Variants in ARHGEF6 observed in about 807,000 individuals in gnomAD.
ARHGEF6 encodes Rac/Cdc42 guanine nucleotide exchange factor 6.
A neutral mutation model predicts 70.3 loss-of-function variants in ARHGEF6; 9 were observed. The ratio of observed to expected loss-of-function variants is 0.13; its 90% CI spans 0.08 to 0.22. The LOEUF (loss-of-function observed/expected upper bound fraction) is 0.22. ARHGEF6 is among the 10% of genes least tolerant of loss of function. ARHGEF6 has a pLI of 1.00. For missense variants in ARHGEF6, 470 were observed against 563.0 expected, an observed-to-expected ratio of 0.83 and a Z score of 1.67; for synonymous variants, 201 against 207.8, an observed-to-expected ratio of 0.97 and a Z score of 0.28.
chrX:136,777,493 G>GT (rs2077415239), intron 2 of ARHGEF6, among the ~76,000 whole-genome samples: 6 of 110,640 alleles, frequency 5.4e-5, no homozygotes, highest in Non-Finnish European at 9.4e-5. Flanking sequence ...CACTGCTGGT[G>GT]GGAATGTAAA....
chrX:136,680,688 G>T, intron 15 of ARHGEF6, 43 bp downstream of exon 15: 1 of 1,203,197 alleles, frequency 8.3e-7, no homozygotes, highest in Non-Finnish European at 1.1e-6. Flanking sequence ...AGGAGTTGAC[G>T]AAAGACTCAA....
intron 6 of ARHGEF6, among the ~76,000 whole-genome samples, chrX:136,730,525 T>C (rs2076924133): frequency 9.0e-6 from 1 of 111,595 alleles, no homozygotes. Context: ...CTTCACAGGC[T>C]ATCATGAGTT....
chrX:136,700,581 C>CA (rs906093395), intron 9 of ARHGEF6, among the ~76,000 whole-genome samples: 4 of 110,413 alleles, frequency 3.6e-5, no homozygotes, highest in African/African-American at 6.6e-5. Context: ...GGAAAGGAAA[C>CA]AAAAAAAATC....
chrX:136,666,369 T>A lies in ARHGEF6; in HGVS notation c.*1660A>T, dbSNP rs1258618061. 3.6e-5 allele frequency: 4 copies of A among 111,672 alleles called. No homozygotes were observed. Among genetic ancestry groups the A allele is most frequent in the Non-Finnish European group, 7.5e-5 (4 of 53,084 alleles). The allele number at this position is 111,672 out of a possible 1,213,427, so 9.2% of individuals were successfully genotyped here. A position where few individuals can be genotyped will look rare whatever the true frequency, so the allele number is the denominator to read the frequency against. Reference sequence around the variant, plus strand: ...GGTTTCAAACTTCAAGTTTTGTTTTTTCAGAGACAGAGGTGTCTCTCTGTT... The same window carrying A: ...GGTTTCAAACTTCAAGTTTTGTTTTATCAGAGACAGAGGTGTCTCTCTGTT... On this transcript the variant is annotated 3_prime_UTR_variant, in exon 22 of 22. Transcript: ENST00000250617.
intron 17 of ARHGEF6, 59 bp downstream of exon 17, chrX:136,677,877 A>G: frequency 2.0e-6 from 2 of 1,004,458 alleles, no homozygotes; most frequent in Non-Finnish European, 1.4e-6. Context: ...TCATTCATCA[A>G]AGGTTACAGT....
Position 136,702,447 on chromosome X carries a change from A to G in ARHGEF6, c.1046+4461T>C, listed in dbSNP as rs1463977349. Among the ~76,000 whole-genome samples the G allele has an allele frequency of 3.6e-5, 4 of 112,368 alleles. No individual in the cohort carries two copies. The East Asian group carries it at 1.1e-3, about 31-fold the overall frequency. ...TAAATACGCCAATTAAAAGAATGAG[A>G]CTGTCAGAGTGGATTAAGAAACAAG... On this transcript the variant is annotated intron_variant, in intron 9 of 21. Transcript: ENST00000250617.
At chrX:136,679,208 T>G (rs967016291) in intron 16 of ARHGEF6, among the ~76,000 whole-genome samples, 1 of 112,290 alleles carries the variant, frequency 8.9e-6, no homozygotes, top group Non-Finnish European at 1.9e-5. Flanking sequence ...TACAATGAAG[T>G]GGCTCTTGTT....
chrX:136,695,647 T>G (rs761917582), intron 9 of ARHGEF6, among the ~76,000 whole-genome samples: 8 of 112,535 alleles, frequency 7.1e-5, no homozygotes, highest in South Asian at 3.6e-4. Context: ...TTTACTGGTG[T>G]TAAGGAATTT....
At chrX:136,726,889 TA>T (rs2076858221) in intron 6 of ARHGEF6, among the ~76,000 whole-genome samples, 1 of 112,699 alleles carries the variant, frequency 8.9e-6, no homozygotes, top group Non-Finnish European at 1.9e-5. Flanking sequence ...CCAGCTTTAT[TA>T]AGTGTGTTGC....
intron 5 of ARHGEF6, chrX:136,737,422 G>A (rs1434439104): frequency 1.4e-5 from 4 of 291,499 alleles, no homozygotes; most frequent in African/African-American, 6.3e-5. Context: ...AGCTGAGATC[G>A]CGCCATTGCA....
intron 11 of ARHGEF6, among the ~76,000 whole-genome samples, chrX:136,687,278 CA>C (rs2076412925): frequency 8.9e-6 from 1 of 111,784 alleles, no homozygotes; most frequent in Non-Finnish European, 1.9e-5. Context: ...AACATTAGTC[CA>C]AATCACTTAT....
intron 6 of ARHGEF6, among the ~76,000 whole-genome samples, chrX:136,729,859 A>C (rs2076917722): frequency 9.0e-6 from 1 of 110,702 alleles, no homozygotes; most frequent in African/African-American, 3.3e-5. Flanking sequence ...TGAAAAAGAA[A>C]GAATACATAA....
rs747771125 is a variant in ARHGEF6 at position 136,667,991 on chromosome X, G to A, written c.*38C>T. ...ATCATTCAGCGGGACATTTCAAGAT[G>A]CCCTGAAGGCACACTCCACCCAGTG... On this transcript the variant is annotated 3_prime_UTR_variant, in exon 22 of 22. Coordinates refer to ENST00000250617, the MANE Select transcript of ARHGEF6 (RefSeq NM_004840.3). 15 of 1,206,190 alleles carry A rather than the reference G, an allele frequency of 1.2e-5. No individual in the cohort carries two copies. In the Admixed American group the frequency reaches 3.3e-4, roughly 26 times the overall value.
chrX:136,749,293 G>A (rs746203588), intron 2 of ARHGEF6, among the ~76,000 whole-genome samples: 6 of 111,297 alleles, frequency 5.4e-5, no homozygotes, highest in Middle Eastern at 4.6e-3. Flanking sequence ...CCTTAGAACT[G>A]ATCAACTGGG....
rs1323356514 is a variant in ARHGEF6, at chrX:136,685,692, C to T, written c.1377G>A (p.Gln459=). Residue 459 remains glutamine, a synonymous_variant, in exon 12 of 22, where the codon CAG becomes CAA. Transcript: ENST00000250617. ...NVIFMSQVMV[Q]YGACEEKEER... ...AATACCTTACCTCACATGCTCCATACTGCACCATTACTTGTGACATAAAAA... is the reference window on the plus strand; with the variant it reads ...AATACCTTACCTCACATGCTCCATATTGCACCATTACTTGTGACATAAAAA... 1 of 1,208,382 alleles carries T rather than the reference C, an allele frequency of 8.3e-7. No individual in the cohort carries two copies. Among genetic ancestry groups the T allele is most frequent in the East Asian group, 3.0e-5 (1 of 33,737 alleles).
chrX:136,749,401 C>T (rs184302614), intron 2 of ARHGEF6, among the ~76,000 whole-genome samples: 57 of 111,260 alleles, frequency 5.1e-4, no homozygotes, highest in Middle Eastern at 4.6e-3. Flanking sequence ...TGTGTGTGTG[C>T]ATGTGGATAC....
chrX:136,779,300 C>T (rs1011841009), intron 2 of ARHGEF6, 114 bp downstream of exon 2: 111 of 684,593 alleles, frequency 1.6e-4, no homozygotes, highest in Middle Eastern at 5.9e-4. Context: ...TCTGCTACCT[C>T]TGTTTAACTC....
At chrX:136,740,397 G>A (rs1421868704) in intron 5 of ARHGEF6, among the ~76,000 whole-genome samples, 1 of 111,283 alleles carries the variant, frequency 9.0e-6, no homozygotes, top group Non-Finnish European at 1.9e-5. Flanking sequence ...ATGCCAATTA[G>A]GAAGCTGCTG....
At chrX:136,690,270 A>G (rs1047203528) in intron 10 of ARHGEF6, among the ~76,000 whole-genome samples, 4 of 111,889 alleles carry the variant, frequency 3.6e-5, no homozygotes, top group African/African-American at 1.3e-4. Context: ...AACAAAGAAG[A>G]TTTCTTAGTT....
Sources: allele counts gnomAD v4.1 joint callset (sites outside exome capture counted in the v4.1 genomes callset), GRCh38; gene constraint gnomAD v4.1.1; transcripts MANE v1.5; gene names NCBI Gene and HGNC (gene_info 2026-07-23, HGNC 2026-07-21).